Variants in PRUNE2 observed in about 807,000 individuals in gnomAD.
PRUNE2 encodes prune homolog 2 with BCH domain.
A neutral mutation model predicts 252.0 loss-of-function variants in PRUNE2; 164 were observed. That is an observed-to-expected ratio of 0.65 (90% CI 0.57 to 0.74). PRUNE2 has a LOEUF of 0.74. Ranked by LOEUF, PRUNE2 falls within the 30% of genes least tolerant of loss-of-function variation. The pLI is 0.00. For synonymous variants in PRUNE2, 1,292 were observed against 1,350.2 expected (o/e 0.96, Z 0.94); for missense variants, 3,495 against 3,711.0 (o/e 0.94, Z 1.51).
intron 9 of PRUNE2, among the ~76,000 whole-genome samples, chr9:76,672,073 G>T (rs1218122064): frequency 6.6e-6 from 1 of 151,352 alleles, no homozygotes; most frequent in Non-Finnish European, 1.5e-5. Context: ...AAATGTCAAT[G>T]GACTAAATGC....
intron 1 of PRUNE2, chr9:76,857,247 TGCCCAG>T (rs2060308358): frequency 2.4e-6 from 1 of 417,062 alleles, no homozygotes; most frequent in Admixed American, 2.7e-5. Flanking sequence ...ACCATCTTGG[TGCCCAG>T]GCTCTCAAGG....
chr9:76,621,792 C>T (rs1457785647), intron 17 of PRUNE2, among the ~76,000 whole-genome samples: 1 of 152,034 alleles, frequency 6.6e-6, no homozygotes, highest in African/African-American at 2.4e-5. Context: ...ATGGATCCTC[C>T]CACCTCAGCC....
chr9:76,676,590 T>C (rs2042632834), intron 9 of PRUNE2, among the ~76,000 whole-genome samples: 1 of 152,206 alleles, frequency 6.6e-6, no homozygotes, highest in African/African-American at 2.4e-5. Context: ...TTGATTCACT[T>C]ACTTTTCTGT....
At chr9:76,670,753 C>T (rs7857110) in intron 9 of PRUNE2, among the ~76,000 whole-genome samples, 4,491 of 151,692 alleles carry the variant, frequency 0.03, 88 homozygotes, top group African/African-American at 0.05. Context: ...CCCTGACCCC[C>T]GAGCAGCCTA....
At chr9:76,625,006 A>C in intron 16 of PRUNE2, 1 of 1,299,786 alleles carries the variant, frequency 7.7e-7, no homozygotes, top group Non-Finnish European at 1.0e-6. Context: ...CATGAATAGG[A>C]GATCAGGAGA....
chr9:76,703,119 T>C (rs1334869240), intron 9 of PRUNE2, among the ~76,000 whole-genome samples: 7 of 145,980 alleles, frequency 4.8e-5, no homozygotes, highest in African/African-American at 1.0e-4. Flanking sequence ...TAAGACTGAA[T>C]GAAAATTGAA....
rs755142028 is a variant in PRUNE2, at chr9:76,709,185, A to C, written c.3089T>G (p.Leu1030Arg). Residue 1030 changes from leucine (L) to arginine (R), a missense_variant, in exon 8 of 19, where the codon CTA becomes CGA. Coordinates refer to ENST00000376718, the MANE Select transcript of PRUNE2 (RefSeq NM_015225.3). ...TGTATGAGGTGAAGCCCACATGTCTAGGTTCCCAGGACCTGAACTGATTCG... is the reference window on the plus strand; with the variant it reads ...TGTATGAGGTGAAGCCCACATGTCTCGGTTCCCAGGACCTGAACTGATTCG... Reference protein sequence around the residue: ...RNRISSGPGNLDMWASPHTDN... With the variant: ...RNRISSGPGNRDMWASPHTDN... 6.2e-7 allele frequency: 1 copy of C among 1,613,874 alleles called. No individual in the cohort carries two copies. Among genetic ancestry groups the C allele is most frequent in the East Asian group, 2.2e-5 (1 of 44,868 alleles).
intron 9 of PRUNE2, among the ~76,000 whole-genome samples, chr9:76,663,204 T>C (rs547657568): frequency 6.6e-6 from 1 of 152,342 alleles, no homozygotes; most frequent in East Asian, 1.9e-4. Flanking sequence ...AATAGGAAGC[T>C]GGGGTCAAGC....
intron 6 of PRUNE2, among the ~76,000 whole-genome samples, chr9:76,769,306 T>C (rs1021664589): frequency 6.6e-6 from 1 of 152,242 alleles, no homozygotes; most frequent in African/African-American, 2.4e-5. Flanking sequence ...TCAGGGTCAA[T>C]ACATACAGAA....
chr9:76,874,064 AG>A (rs1383792977), intron 1 of PRUNE2, among the ~76,000 whole-genome samples: 1 of 152,202 alleles, frequency 6.6e-6, no homozygotes, highest in African/African-American at 2.4e-5. Flanking sequence ...CTGAATCATT[AG>A]TACAAATAAA....
chr9:76,894,178 A>AACCG (rs2062667129), intron 1 of PRUNE2, among the ~76,000 whole-genome samples: 1 of 152,212 alleles, frequency 6.6e-6, no homozygotes, highest in Non-Finnish European at 1.5e-5. Flanking sequence ...AATCCACAAG[A>AACCG]ATCGGCTAAA....
At chr9:76,682,362 CTTTT>C (rs34870489) in intron 9 of PRUNE2, among the ~76,000 whole-genome samples, 1 of 136,110 alleles carries the variant, frequency 7.3e-6, no homozygotes. Context: ...TCACTATTAA[CTTTT>C]TTTTTTTTTT....
intron 5 of PRUNE2, among the ~76,000 whole-genome samples, chr9:76,823,959 G>A (rs988591313): frequency 4.6e-5 from 7 of 152,084 alleles, no homozygotes; most frequent in African/African-American, 1.4e-4. Flanking sequence ...AAGAAGATGT[G>A]TTAATGGCAG....
intron 6 of PRUNE2, among the ~76,000 whole-genome samples, chr9:76,718,749 A>G (rs2047373640): frequency 6.6e-6 from 1 of 152,078 alleles, no homozygotes; most frequent in South Asian, 2.1e-4. Context: ...GCCACTGATG[A>G]CAGAATCTAC....
Position 76,705,059 on chromosome 9 carries a change from G to T in PRUNE2, c.7215C>A (p.Ala2405=). Residue 2405 remains alanine, a synonymous_variant, in exon 8 of 19, where the codon GCC becomes GCA. Coordinates refer to ENST00000376718, the MANE Select transcript of PRUNE2 (RefSeq NM_015225.3). Reference sequence around the variant, plus strand: ...CTTCCTCTATTGTTTCAGCACTCTGGGCAGGTTCTGTGAGATAAGACAAAT... The same window carrying T: ...CTTCCTCTATTGTTTCAGCACTCTGTGCAGGTTCTGTGAGATAAGACAAAT... ...PFDLSYLTEP[A]QSAETIEEAG... The T allele has an allele frequency of 6.2e-7, 1 of 1,613,982 alleles. No individual in the cohort carries two copies. Among genetic ancestry groups the T allele is most frequent in the South Asian group, 1.1e-5 (1 of 91,080 alleles).
intron 6 of PRUNE2, among the ~76,000 whole-genome samples, chr9:76,764,709 G>T (rs887364643): frequency 3.3e-5 from 5 of 152,186 alleles, no homozygotes; most frequent in Admixed American, 1.3e-4. Context: ...ACAGCAGAAG[G>T]GTAGGAGCAG....
intron 12 of PRUNE2, among the ~76,000 whole-genome samples, chr9:76,642,626 A>T (rs747827903): frequency 6.6e-6 from 1 of 152,186 alleles, no homozygotes; most frequent in Non-Finnish European, 1.5e-5. Context: ...CTGTGAAGTG[A>T]TTGCTGCTTT....
At chr9:76,731,324 A>ATATATATATTT (rs1332074252) in intron 6 of PRUNE2, among the ~76,000 whole-genome samples, 1 of 106,794 alleles carries the variant, frequency 9.4e-6, no homozygotes, top group African/African-American at 3.5e-5. Context: ...ATATATATAT[A>ATATATATATTT]TTTTTTTTTT....
chr9:76,797,132 TAA>T (rs2056167813), intron 6 of PRUNE2, among the ~76,000 whole-genome samples: 1 of 152,190 alleles, frequency 6.6e-6, no homozygotes, highest in Non-Finnish European at 1.5e-5. Context: ...TGTGTACTGT[TAA>T]AATTTTCTAA....
Sources: allele counts gnomAD v4.1 joint callset (sites outside exome capture counted in the v4.1 genomes callset), GRCh38; gene constraint gnomAD v4.1.1; transcripts MANE v1.5; gene names NCBI Gene and HGNC (gene_info 2026-07-23, HGNC 2026-07-21).